VWA2: variants seen among roughly 807,000 people sequenced by gnomAD.
VWA2 encodes the protein von Willebrand factor A domain containing 2, also known as von Willebrand factor A domain-containing protein 2.
In VWA2, 73 loss-of-function variants were observed where a neutral mutation model predicts 70.4. That is an observed-to-expected ratio of 1.04 (90% CI 0.86 to 1.26). The LOEUF is 1.26. VWA2 is among the 50% of genes most tolerant of loss of function. The probability of loss-of-function intolerance (pLI) is 0.00; values close to 1 mark genes in which losing one functional copy is unlikely to be tolerated. For missense variants in VWA2, 1,011 were observed against 998.5 expected, an observed-to-expected ratio of 1.01 and a Z score of -0.17; for synonymous variants, 407 against 423.3, an observed-to-expected ratio of 0.96 and a Z score of 0.47.
In VWA2 at chr10:114,248,750, T is replaced by C; in HGVS notation, c.37T>C (p.Phe13Leu). The C allele has an allele frequency of 2.5e-6, 4 of 1,613,696 alleles. No homozygotes were observed. The highest frequency in any genetic ancestry group is 3.4e-6 in the Non-Finnish European group (4 of 1,179,624). The change falls in exon 2 of 14, where the codon TTC (phenylalanine) becomes CTC (leucine). Residue 13 changes from phenylalanine to leucine, a missense_variant. Coordinates refer to ENST00000392982, the MANE Select transcript of VWA2 (RefSeq NM_001272046.2). ...PFLLLEAVCV[F>L]LFSRVPPSLP... ...CCTGTTGCTGGAAGCCGTCTGTGTT[T>C]TCCTGTTTTCCAGAGGTAAGATGTG... is the stretch of plus-strand genomic sequence containing the variant.
chr10:114,284,402 G>T (rs2038586832), intron 9 of VWA2, among the ~76,000 whole-genome samples: 1 of 152,206 alleles, frequency 6.6e-6, no homozygotes, highest in African/African-American at 2.4e-5. Context: ...AGGTGCCGGA[G>T]GAAGTGGAAG....
intron 1 of VWA2, among the ~76,000 whole-genome samples, chr10:114,242,512 A>G (rs898744743): frequency 6.6e-6 from 1 of 150,614 alleles, no homozygotes; most frequent in African/African-American, 2.4e-5. Context: ...TGTACCAGTA[A>G]ATCTGTGTAT....
chr10:114,259,123 C>G (rs2037389363), intron 4 of VWA2, among the ~76,000 whole-genome samples: 1 of 152,052 alleles, frequency 6.6e-6, no homozygotes, highest in Non-Finnish European at 1.5e-5. Flanking sequence ...AAATTGCCTT[C>G]CATGGATGTT....
chr10:114,283,064 C>A (rs1040976560), intron 9 of VWA2, among the ~76,000 whole-genome samples: 1 of 152,170 alleles, frequency 6.6e-6, no homozygotes, highest in Non-Finnish European at 1.5e-5. Context: ...GAGGAATCAT[C>A]GATGCCATTA....
At position 114,292,853 on chromosome 10, in the gene VWA2, G is replaced by A. The variant is rs1221031409; in HGVS notation, c.*1616G>A. On this transcript the variant is annotated 3_prime_UTR_variant, in exon 14 of 14. Coordinates refer to ENST00000392982, the MANE Select transcript of VWA2 (RefSeq NM_001272046.2). ...CTTGAGTAGCTGGGATTAGAGGCAG[G>A]TGCCACCATGCCTAGCTAATTTTTG... Among the ~76,000 whole-genome samples, 2 of 151,990 alleles carry A rather than the reference G, an allele frequency of 1.3e-5. No homozygotes were observed. Among genetic ancestry groups the A allele is most frequent in the African/African-American group, 4.8e-5 (2 of 41,378 alleles).
At position 114,293,559 on chromosome 10, in the gene VWA2, C is replaced by G. The variant is rs2039797694; in HGVS notation, c.*2322C>G. Among the ~76,000 whole-genome samples, 1 of 152,228 alleles carries G rather than the reference C, an allele frequency of 6.6e-6. No individual in the cohort carries two copies. Among genetic ancestry groups the G allele is most frequent in the Non-Finnish European group, 1.5e-5 (1 of 68,042 alleles). ...GTCAGTCCCCCAGGAAAGTGCTATC[C>G]TATGGCCTAACTAGCCAAGCCTTTT... On this transcript the variant is annotated 3_prime_UTR_variant, in exon 14 of 14. Coordinates refer to ENST00000392982, the MANE Select transcript of VWA2 (RefSeq NM_001272046.2).
intron 6 of VWA2, among the ~76,000 whole-genome samples, chr10:114,276,673 ATTTTTTTTT>A (rs34808735): frequency 1.9e-4 from 22 of 113,688 alleles, no homozygotes; most frequent in South Asian, 5.5e-4. Flanking sequence ...ACACCCAGCA[ATTTTTTTTT>A]TTTTTTTTTT....
chr10:114,266,703 G>C (rs986490721), intron 5 of VWA2, among the ~76,000 whole-genome samples: 5 of 152,140 alleles, frequency 3.3e-5, no homozygotes, highest in African/African-American at 1.2e-4. Flanking sequence ...CTGGCTGCCC[G>C]GGCTTGCTCA....
chr10:114,278,141 G>T, intron 7 of VWA2, 94 bp downstream of exon 7: 1 of 1,500,472 alleles, frequency 6.7e-7, no homozygotes. Flanking sequence ...GCCTCCCAAG[G>T]ATGGAGGGCA....
At position 114,278,809 on chromosome 10, in the gene VWA2, G is replaced by A. The variant is rs140014450; in HGVS notation, c.791G>A (p.Arg264Gln). The A allele has an allele frequency of 8.1e-6, 13 of 1,613,462 alleles. No individual in the cohort carries two copies. Among genetic ancestry groups the A allele is most frequent in the African/African-American group, 6.7e-5 (5 of 74,924 alleles). Residue 264 changes from arginine (R) to glutamine (Q), a missense_variant, in exon 8 of 14, where the codon CGG (arginine) becomes CAG (glutamine). Physicochemically the swap from Arg to Gln is conservative, Grantham distance 43 (BLOSUM62 1). Transcript: ENST00000392982. ...AGNAPCWRGSRRTLAVLAAHC... is the reference protein window; with the variant it reads ...AGNAPCWRGSQRTLAVLAAHC... ...AATGCCCCATGCTGGAGAGGATCGC[G>A]GCGGACCCTTGCGGTGCTGGCTGCA...
At chr10:114,243,331 G>C (rs1357310396) in intron 1 of VWA2, among the ~76,000 whole-genome samples, 1 of 152,160 alleles carries the variant, frequency 6.6e-6, no homozygotes, top group African/African-American at 2.4e-5. Flanking sequence ...AATTATTTTA[G>C]GGGGAGCGTG....
chr10:114,277,726 T>C (rs2037880009), intron 6 of VWA2, among the ~76,000 whole-genome samples, 188 bp from the exon 7 acceptor site: 2 of 152,248 alleles, frequency 1.3e-5, no homozygotes, highest in South Asian at 2.1e-4. Context: ...TGTTCTTTGC[T>C]TGCTGTCACC....
intron 1 of VWA2, among the ~76,000 whole-genome samples, chr10:114,244,502 C>T (rs1281250915): frequency 1.3e-5 from 2 of 152,204 alleles, no homozygotes; most frequent in African/African-American, 2.4e-5. Flanking sequence ...GAATAGTACA[C>T]CCTCCCTGGC....
intron 1 of VWA2, among the ~76,000 whole-genome samples, chr10:114,239,820 G>T (rs889541441): frequency 6.6e-6 from 1 of 152,202 alleles, no homozygotes; most frequent in Non-Finnish European, 1.5e-5. Flanking sequence ...GTGGCCACTC[G>T]CGGTCCGTCC....
At chr10:114,270,741 C>T (rs1292137271) in intron 5 of VWA2, among the ~76,000 whole-genome samples, 1 of 152,158 alleles carries the variant, frequency 6.6e-6, no homozygotes, top group Non-Finnish European at 1.5e-5. Context: ...ATGTGTGATC[C>T]AGCAGGGTGT....
At chr10:114,290,119 C>T (rs558054844) in intron 12 of VWA2, 121 bp from the exon 13 acceptor site, 13 of 1,358,314 alleles carry the variant, frequency 9.6e-6, no homozygotes, top group South Asian at 4.4e-5. Context: ...CATGAGCTAC[C>T]GGGGCAAAGG....
At chr10:114,246,642 A>C in intron 1 of VWA2, 6 of 1,541,678 alleles carry the variant, frequency 3.9e-6, no homozygotes, top group Non-Finnish European at 5.4e-6. Context: ...AAGTACTTGA[A>C]CACCCCTGGA....
Position 114,286,251 on chromosome 10 carries a change from C to T in VWA2, c.1310C>T (p.Ala437Val). ...RQAAERGFGSATRTGQDRPRR... is the reference protein window; with the variant it reads ...RQAAERGFGSVTRTGQDRPRR... ...GCGGCAGAGCGTGGCTTCGGGAGCG[C>T]CACCAGGACAGGCCAGGACCGGCCA... Residue 437 changes from alanine (A) to valine (V), a missense_variant, in exon 11 of 14, where the codon GCC becomes GTC. Physicochemically the swap from Ala to Val is moderately conservative, Grantham distance 64. Transcript: ENST00000392982. 1.2e-6 allele frequency: 2 copies of T among 1,612,828 alleles called. No individual in the cohort carries two copies. The highest frequency in any genetic ancestry group is 8.5e-7 in the Non-Finnish European group (1 of 1,179,454).
At position 114,294,450 on chromosome 10, in the gene VWA2, G is replaced by C. The variant is rs951926457; in HGVS notation, c.*3213G>C. Reference sequence around the variant, plus strand: ...TTGTCTCTTTAATGAACCCGATTTTGATTTTGTCATTTTTAAAATAAACAC... The same window carrying C: ...TTGTCTCTTTAATGAACCCGATTTTCATTTTGTCATTTTTAAAATAAACAC... On this transcript the variant is annotated 3_prime_UTR_variant, in exon 14 of 14. Coordinates refer to ENST00000392982, the MANE Select transcript of VWA2 (RefSeq NM_001272046.2). Among the ~76,000 whole-genome samples the C allele has an allele frequency of 5.9e-5, 9 of 152,018 alleles. No individual in the cohort carries two copies. Among genetic ancestry groups the C allele is most frequent in the African/African-American group, 2.2e-4 (9 of 41,396 alleles).
Sources: gnomAD v4.1 joint callset for allele counts (sites outside exome capture counted in the v4.1 genomes callset) on GRCh38, gnomAD v4.1.1 for gene constraint, MANE v1.5 for transcripts, NCBI Gene and HGNC (gene_info 2026-07-23, HGNC 2026-07-21) for gene names.